Variants in NAV2 observed in about 807,000 individuals in gnomAD.
The protein encoded by NAV2 is helicase, APC down-regulated 1.
NAV2 carries 54 observed loss-of-function variants against 223.2 expected under a neutral mutation model. That is an observed-to-expected ratio of 0.24 (90% CI 0.19 to 0.30). The LOEUF (loss-of-function observed/expected upper bound fraction) is 0.30. Ranked by LOEUF, NAV2 falls within the 10% of genes least tolerant of loss-of-function variation. NAV2 has a pLI of 1.00. For synonymous variants in NAV2, 1,279 were observed against 1,239.3 expected (o/e 1.03, Z -0.67); for missense variants, 2,806 against 3,147.5 (o/e 0.89, Z 2.60).
At chr11:19,440,993 C>T (rs535188253) in intron 1 of NAV2, among the ~76,000 whole-genome samples, 1 of 152,248 alleles carries the variant, frequency 6.6e-6, no homozygotes, top group South Asian at 2.1e-4. Flanking sequence ...AATAACTAAC[C>T]ATACAAATAA....
At chr11:19,519,972 G>A (rs187258005) in intron 1 of NAV2, 6 of 152,358 alleles carry the variant, frequency 3.9e-5, no homozygotes, top group African/African-American at 1.4e-4. Context: ...GCTACATAAA[G>A]CAGATTAGAT....
chr11:19,507,534 C>T (rs2043158729), intron 1 of NAV2, among the ~76,000 whole-genome samples: 1 of 152,130 alleles, frequency 6.6e-6, no homozygotes, highest in Non-Finnish European at 1.5e-5. Flanking sequence ...TGCACTGTGT[C>T]ACTAAATAGC....
intron 1 of NAV2, among the ~76,000 whole-genome samples, chr11:19,564,336 T>C (rs1423162140): frequency 1.3e-5 from 2 of 152,234 alleles, no homozygotes; most frequent in African/African-American, 4.8e-5. Context: ...TATCTGGTGA[T>C]GCTCACAAGA....
intron 1 of NAV2, among the ~76,000 whole-genome samples, chr11:19,496,675 C>A (rs758536842): frequency 3.9e-5 from 6 of 152,186 alleles, no homozygotes; most frequent in African/African-American, 2.4e-5. Flanking sequence ...GTGAACAGTG[C>A]TACACAAGGG....
chr11:19,711,120 T>C (rs954962980), upstream of NAV2: 1 of 152,184 alleles, frequency 6.6e-6, no homozygotes, highest in Non-Finnish European at 1.5e-5. Context: ...GAAACAGACA[T>C]AGACAGGGCC....
intron 1 of NAV2, among the ~76,000 whole-genome samples, chr11:19,627,559 G>A (rs779316054): frequency 6.6e-6 from 1 of 152,156 alleles, no homozygotes; most frequent in Non-Finnish European, 1.5e-5. Flanking sequence ...ACCAATTTGT[G>A]TAAAGTCTAG....
chr11:19,539,959 T>C (rs2044296546), intron 1 of NAV2, among the ~76,000 whole-genome samples: 1 of 152,212 alleles, frequency 6.6e-6, no homozygotes, highest in Non-Finnish European at 1.5e-5. Flanking sequence ...TCTGTCCCGA[T>C]AGGAGCACAT....
chr11:19,375,348 T>C (rs28379185), intron 1 of NAV2, among the ~76,000 whole-genome samples: 2,862 of 152,308 alleles, frequency 0.019, 98 homozygotes, highest in African/African-American at 0.066. Context: ...AGAAGATGGC[T>C]GGGCACAGGC....
chr11:20,063,039 C>T (rs537094940), intron 20 of NAV2, among the ~76,000 whole-genome samples: 1 of 152,280 alleles, frequency 6.6e-6, no homozygotes, highest in African/African-American at 2.4e-5. Context: ...GCAGTTCCTA[C>T]CTTATAGAGG....
At chr11:19,793,832 A>C (rs1175214592) in intron 1 of NAV2, among the ~76,000 whole-genome samples, 1 of 151,900 alleles carries the variant, frequency 6.6e-6, no homozygotes, top group Non-Finnish European at 1.5e-5. Flanking sequence ...ACAGGCGCCC[A>C]CCTCAGGGCC....
At chr11:19,480,942 C>G (rs1248221348) in intron 1 of NAV2, among the ~76,000 whole-genome samples, 7 of 152,174 alleles carry the variant, frequency 4.6e-5, no homozygotes, top group Non-Finnish European at 5.9e-5. Flanking sequence ...ATCATGCCTT[C>G]TGCAGATAGA....
chr11:19,414,270 A>C (rs1239038392), intron 1 of NAV2, among the ~76,000 whole-genome samples: 1 of 152,184 alleles, frequency 6.6e-6, no homozygotes, highest in Non-Finnish European at 1.5e-5. Context: ...ACAACCAACC[A>C]AACAAACAAA....
chr11:19,934,303 G>A (rs2045650460), intron 7 of NAV2, 26 bp downstream of exon 7: 2 of 1,532,136 alleles, frequency 1.3e-6, no homozygotes, highest in Non-Finnish European at 1.8e-6. Flanking sequence ...CACCTGTGCT[G>A]CCTGGGACAT....
chr11:19,698,338 A>G (rs1223657785), intron 1 of NAV2, among the ~76,000 whole-genome samples: 2 of 152,234 alleles, frequency 1.3e-5, no homozygotes, highest in Non-Finnish European at 2.9e-5. Flanking sequence ...GGCCCTCAGT[A>G]AATGGCAGCT....
At chr11:19,909,325 C>T (rs764358077) in intron 6 of NAV2, among the ~76,000 whole-genome samples, 23 of 152,094 alleles carry the variant, frequency 1.5e-4, no homozygotes, top group Non-Finnish European at 7.4e-5. Context: ...CCAGGAGTAC[C>T]CAGGCAGTAA....
chr11:19,801,187 G>C (rs907486206), intron 1 of NAV2, among the ~76,000 whole-genome samples: 2 of 152,200 alleles, frequency 1.3e-5, no homozygotes, highest in Non-Finnish European at 2.9e-5. Flanking sequence ...CATTTTTACT[G>C]TCTGTGACTT....
intron 1 of NAV2, among the ~76,000 whole-genome samples, chr11:19,662,404 G>A (rs1590054061): frequency 6.6e-6 from 1 of 152,246 alleles, no homozygotes; most frequent in African/African-American, 2.4e-5. Flanking sequence ...GGGTGAGGCA[G>A]GAGGTGGAAA....
rs182719336 is a variant in NAV2 at position 20,023,168 on chromosome 11, G to C, written c.2769-12791G>C. On this transcript the variant is annotated intron_variant, in intron 11 of 37. Coordinates refer to ENST00000349880, the MANE Select transcript of NAV2 (RefSeq NM_145117.5). ...TTTCTAAAATTTCTGGGGCCAGGGG[G>C]TGGGTGTGGTGCATGTACTGCCTTG... 3.6e-4 allele frequency: 554 copies of C among 1,544,408 alleles called. 1 individual carries two copies. The African/African-American group carries it at 6.8e-3, about 19-fold the overall frequency.
chr11:19,914,160 C>T (rs1348729486), intron 6 of NAV2, among the ~76,000 whole-genome samples: 2 of 152,180 alleles, frequency 1.3e-5, no homozygotes, highest in Non-Finnish European at 2.9e-5. Flanking sequence ...TTTTTTCCCT[C>T]CAGAATCAAT....
Sources: gnomAD v4.1 joint callset for allele counts (sites outside exome capture counted in the v4.1 genomes callset) on GRCh38, gnomAD v4.1.1 for gene constraint, MANE v1.5 for transcripts, NCBI Gene and HGNC (gene_info 2026-07-23, HGNC 2026-07-21) for gene names.